CIAPIN1: variants seen among roughly 807,000 people sequenced by gnomAD.
The protein encoded by CIAPIN1 is anamorsin.
A neutral mutation model predicts 34.3 loss-of-function variants in CIAPIN1; 18 were observed. That is an observed-to-expected ratio of 0.52 (90% CI 0.36 to 0.78). The LOEUF is 0.78. Ranked by LOEUF, CIAPIN1 falls within the 30% of genes least tolerant of loss-of-function variation. The pLI is 0.00. For synonymous variants in CIAPIN1, 131 were observed against 140.4 expected (o/e 0.93, Z 0.47); for missense variants, 310 against 372.5 (o/e 0.83, Z 1.38).
Position 57,431,213 on chromosome 16 carries a change from A to G in CIAPIN1, c.684T>C (p.Asp228=). ...AAGAAGCAGCCCGCAGGGAAGCTGGATCTGGCTTCTTCAAATCTTCTGGAT... is the reference window on the plus strand; with the variant it reads ...AAGAAGCAGCCCGCAGGGAAGCTGGGTCTGGCTTCTTCAAATCTTCTGGAT... ...LLDPEDLKKP[D]PASLRAASCG... The change falls in exon 7 of 9, where the codon GAT becomes GAC. Residue 228 remains aspartate, a synonymous_variant. Transcript: ENST00000394391. The G allele has an allele frequency of 6.2e-7, 1 of 1,613,904 alleles. No homozygotes were observed. The highest frequency in any genetic ancestry group is 8.5e-7 in the Non-Finnish European group (1 of 1,179,894).
At chr16:57,432,002 T>C (rs1336728240) in intron 6 of CIAPIN1, among the ~76,000 whole-genome samples, 2 of 152,148 alleles carry the variant, frequency 1.3e-5, no homozygotes, top group East Asian at 1.9e-4. Context: ...GAAAAAGAGA[T>C]GCTAAAAAAT....
rs1381324736 is a variant in CIAPIN1 at position 57,428,773 on chromosome 16, G to C, written c.*397C>G. ...GTAAACTAACAACTCTGAAAGACAAGAGGGTGGCAGCATTGCTGAGATGAG... is the reference window on the plus strand; with the variant it reads ...GTAAACTAACAACTCTGAAAGACAACAGGGTGGCAGCATTGCTGAGATGAG... On this transcript the variant is annotated 3_prime_UTR_variant, in exon 9 of 9. Coordinates refer to ENST00000394391, the MANE Select transcript of CIAPIN1 (RefSeq NM_020313.4). The C allele has an allele frequency of 6.3e-6, 1 of 157,796 alleles. No individual in the cohort carries two copies. The highest frequency in any genetic ancestry group is 2.4e-5 in the African/African-American group (1 of 41,590). 9.8% of individuals were successfully genotyped at this position (157,796 alleles called of 1,614,324 possible).
chr16:57,430,635 G>C (rs1339852535), intron 7 of CIAPIN1: 1 of 341,260 alleles, frequency 2.9e-6, no homozygotes, highest in African/African-American at 2.1e-5. Context: ...CCAAATTCAA[G>C]AACAGAAGGG....
chr16:57,445,428 A>C (rs2030013219), intron 1 of CIAPIN1, among the ~76,000 whole-genome samples: 1 of 152,186 alleles, frequency 6.6e-6, no homozygotes, highest in African/African-American at 2.4e-5. Flanking sequence ...GAATTGCTTG[A>C]ACTCAGGAGG....
chr16:57,439,099 T>C, intron 3 of CIAPIN1, 83 bp downstream of exon 3: 1 of 1,382,996 alleles, frequency 7.2e-7, no homozygotes, highest in Non-Finnish European at 1.0e-6. Context: ...CTCCCAATGA[T>C]ACCTCCTGCT....
chr16:57,434,839 C>T (rs1903164853), intron 4 of CIAPIN1, among the ~76,000 whole-genome samples: 1 of 152,168 alleles, frequency 6.6e-6, no homozygotes, highest in South Asian at 2.1e-4. Context: ...ATCTTATTTA[C>T]ATTTTTAAAA....
intron 3 of CIAPIN1, among the ~76,000 whole-genome samples, chr16:57,438,228 A>G (rs1160624270): frequency 6.6e-6 from 1 of 152,242 alleles, no homozygotes; most frequent in East Asian, 1.9e-4. Flanking sequence ...TTTGACTGAA[A>G]GTCTAGTGAA....
At chr16:57,440,174 C>T (rs144342698) in intron 2 of CIAPIN1, among the ~76,000 whole-genome samples, 2,629 of 152,252 alleles carry the variant, frequency 0.017, 88 homozygotes, top group African/African-American at 0.06. Context: ...CCTGGTCTCC[C>T]GTAGCACTCC....
intron 2 of CIAPIN1, among the ~76,000 whole-genome samples, chr16:57,440,041 T>C (rs1269546488): frequency 2.6e-5 from 4 of 152,236 alleles, no homozygotes; most frequent in African/African-American, 9.6e-5. Flanking sequence ...GAAATATCAC[T>C]GAATTCTTTT....
chr16:57,430,529 G>T lies in CIAPIN1; in HGVS notation c.747-190C>A, dbSNP rs1903063926. On this transcript the variant is annotated intron_variant, in intron 7 of 8. Transcript: ENST00000394391. ...AGACAGAAGTGGGAGGAGGATGAGG[G>T]AAGTACCGTGTGTGCTCTGTCTACA... 4 of 603,318 alleles carry T rather than the reference G, an allele frequency of 6.6e-6. No individual in the cohort carries two copies. The South Asian group carries it at 7.8e-5, about 12-fold the overall frequency. The allele number at this position is 603,318 out of a possible 1,614,324, so 37.4% of individuals were successfully genotyped here.
In CIAPIN1 at chr16:57,446,603, T is replaced by C. The variant is rs2030081616; in HGVS notation, c.-56+739A>G. ...ACACCCCCGTGAAGTGCTCTGTTAG[T>C]GGCTAGACCGTGACCTCCTTGAGCC... On this transcript the variant is annotated intron_variant, in intron 1 of 8. Coordinates refer to ENST00000394391, the MANE Select transcript of CIAPIN1 (RefSeq NM_020313.4). Among the ~76,000 whole-genome samples the C allele has an allele frequency of 3.3e-5, 5 of 152,180 alleles. No individual in the cohort carries two copies. The South Asian group carries it at 1.0e-3, about 32-fold the overall frequency.
At chr16:57,441,060 GC>G in intron 1 of CIAPIN1, 77 bp from the exon 2 acceptor site, 1 of 811,682 alleles carries the variant, frequency 1.2e-6, no homozygotes, top group Non-Finnish European at 1.9e-6. Context: ...ACTTGTAACC[GC>G]CCACTAGGGA....
intron 6 of CIAPIN1, 117 bp from the exon 7 acceptor site, chr16:57,431,383 TGTCCTCCTTTTGGTTGATC>T (rs1178182234): frequency 1.6e-6 from 1 of 616,232 alleles, no homozygotes; most frequent in East Asian, 2.7e-5. Context: ...GTGTCCACCC[TGTCCTCCTTTTGGTTGATC>T]ATCATGTTCA....
At chr16:57,441,821 A>G (rs1903338205) in intron 1 of CIAPIN1, among the ~76,000 whole-genome samples, 1 of 152,222 alleles carries the variant, frequency 6.6e-6, no homozygotes, top group Non-Finnish European at 1.5e-5. Flanking sequence ...AGGTCAAGAG[A>G]TAGTACTCTA....
chr16:57,431,336 G>A (rs755370935), intron 6 of CIAPIN1, 70 bp from the exon 7 acceptor site: 3 of 1,014,460 alleles, frequency 3.0e-6, no homozygotes, highest in Non-Finnish European at 4.5e-6. Context: ...AGTGACTGCA[G>A]GCTTCGAGAG....
chr16:57,446,776 C>T (rs1326072052), intron 1 of CIAPIN1, among the ~76,000 whole-genome samples: 1 of 152,190 alleles, frequency 6.6e-6, no homozygotes, highest in East Asian at 1.9e-4. Context: ...TGGACAAAGG[C>T]CTAGCTGTCT....
chr16:57,434,304 G>T, intron 4 of CIAPIN1, 92 bp from the exon 5 acceptor site: 1 of 1,208,674 alleles, frequency 8.3e-7, no homozygotes, highest in Non-Finnish European at 1.2e-6. Context: ...ACTCATTTCT[G>T]TGCATTAAGG....
At chr16:57,440,284 A>C (rs780791862) in intron 2 of CIAPIN1, among the ~76,000 whole-genome samples, 20 of 152,168 alleles carry the variant, frequency 1.3e-4, no homozygotes, top group Non-Finnish European at 2.4e-4. Flanking sequence ...ATCTATGACA[A>C]TGCGTGCCCG....
chr16:57,436,150 G>C (rs1352421352), intron 4 of CIAPIN1, among the ~76,000 whole-genome samples: 12 of 152,192 alleles, frequency 7.9e-5, no homozygotes, highest in African/African-American at 2.9e-4. Flanking sequence ...TAGTACCAAG[G>C]AGACAAGAAC....
Sources: gnomAD v4.1 joint callset for allele counts (sites outside exome capture counted in the v4.1 genomes callset) on GRCh38, gnomAD v4.1.1 for gene constraint, MANE v1.5 for transcripts, NCBI Gene and HGNC (gene_info 2026-07-23, HGNC 2026-07-21) for gene names.